TFPI: variants seen among roughly 807,000 people sequenced by gnomAD.
TFPI encodes anti-convertin.
In TFPI, 15 loss-of-function variants were observed where a neutral mutation model predicts 34.6. The observed-to-expected ratio is 0.43, with a 90% CI of 0.29 to 0.67. The LOEUF (loss-of-function observed/expected upper bound fraction) is 0.67. Ranked by LOEUF, TFPI falls within the 30% of genes least tolerant of loss-of-function variation. TFPI has a pLI of 0.15. For synonymous variants in TFPI, 105 were observed against 120.1 expected (o/e 0.87, Z 0.82); for missense variants, 301 against 364.0 (o/e 0.83, Z 1.41).
chr2:187,540,750 G>T (rs1688535453), intron 1 of TFPI, among the ~76,000 whole-genome samples: 2 of 151,934 alleles, frequency 1.3e-5, no homozygotes, highest in Non-Finnish European at 2.9e-5. Context: ...AACTAGCCTG[G>T]TGTGGTGATG....
intron 6 of TFPI, among the ~76,000 whole-genome samples, chr2:187,478,314 C>T (rs1239222698): frequency 6.6e-6 from 1 of 152,088 alleles, no homozygotes; most frequent in Non-Finnish European, 1.5e-5. Context: ...GAGCCGAGAT[C>T]GCGCCATTGC....
chr2:187,466,875 C>A lies in TFPI; in HGVS notation c.*61G>T. The A allele has an allele frequency of 4.3e-6, 4 of 940,490 alleles. No homozygotes were observed. Among genetic ancestry groups the A allele is most frequent in the East Asian group, 3.1e-5 (1 of 32,436 alleles). The allele number at this position is 940,490 out of a possible 1,614,324, so 58.3% of individuals were successfully genotyped here. A position where few individuals can be genotyped will look rare whatever the true frequency, so the allele number is the denominator to read the frequency against. On this transcript the variant is annotated 3_prime_UTR_variant, in exon 8 of 8. Coordinates refer to ENST00000233156, the MANE Select transcript of TFPI (RefSeq NM_006287.6). The stretch of plus-strand genomic sequence containing the variant: ...GCATTTTAGAAGAAAAATAGAAAAT[C>A]ATAGTGAAACATTTCATATAAAATA...
At chr2:187,497,174 A>G (rs1685542442) in intron 2 of TFPI, 96 bp from the exon 3 acceptor site, 1 of 1,114,176 alleles carries the variant, frequency 9.0e-7, no homozygotes, top group East Asian at 2.6e-5. Context: ...TTTTAAGGAA[A>G]AGTACAATAA....
At chr2:187,552,260 A>G (rs1263344706) in intron 1 of TFPI, among the ~76,000 whole-genome samples, 1 of 152,040 alleles carries the variant, frequency 6.6e-6, no homozygotes, top group Non-Finnish European at 1.5e-5. Context: ...CATATTTACT[A>G]TTTGGTTAGA....
intron 1 of TFPI, among the ~76,000 whole-genome samples, chr2:187,510,443 C>T (rs1448044417): frequency 6.6e-6 from 1 of 152,234 alleles, no homozygotes; most frequent in African/African-American, 2.4e-5. Context: ...CTGCCCACCC[C>T]TCTTGGTGTG....
intron 2 of TFPI, among the ~76,000 whole-genome samples, chr2:187,498,298 A>T (rs895755858): frequency 6.6e-6 from 1 of 151,864 alleles, no homozygotes; most frequent in African/African-American, 2.4e-5. Flanking sequence ...GAATTTTTTG[A>T]AACAGAAAAT....
intron 6 of TFPI, among the ~76,000 whole-genome samples, chr2:187,483,766 G>C (rs10190021): frequency 1 from 151,626 of 152,044 alleles, 75,607 homozygotes; most frequent in Middle Eastern, 1. Flanking sequence ...TTTAGACTGC[G>C]TTTGATGCAC....
intron 6 of TFPI, among the ~76,000 whole-genome samples, chr2:187,469,739 A>G (rs549277795): frequency 6.6e-6 from 1 of 152,280 alleles, no homozygotes; most frequent in Admixed American, 6.5e-5. Flanking sequence ...ATCCTTTGAC[A>G]TGATGATATG....
intron 1 of TFPI, chr2:187,516,320 G>C (rs182149618): frequency 6.6e-6 from 1 of 152,190 alleles, no homozygotes; most frequent in South Asian, 2.1e-4. Context: ...GCCCTTGCAA[G>C]TGTGGCATGG....
chr2:187,469,853 G>A (rs1691933068), intron 6 of TFPI, among the ~76,000 whole-genome samples: 1 of 152,080 alleles, frequency 6.6e-6, no homozygotes, highest in African/African-American at 2.4e-5. Flanking sequence ...GAATTTTCTA[G>A]CAGTCTAGGA....
At chr2:187,545,831 A>T (rs2106321347) in intron 1 of TFPI, among the ~76,000 whole-genome samples, 1 of 152,232 alleles carries the variant, frequency 6.6e-6, no homozygotes, top group South Asian at 2.1e-4. Context: ...AATTAAAACA[A>T]AATCATTTTT....
At chr2:187,525,653 A>T (rs1687639020) in intron 1 of TFPI, among the ~76,000 whole-genome samples, 1 of 152,156 alleles carries the variant, frequency 6.6e-6, no homozygotes, top group South Asian at 2.1e-4. Context: ...GTTACTAAGA[A>T]TAAATGATGT....
chr2:187,475,377 T>C (rs1201927616), intron 6 of TFPI, among the ~76,000 whole-genome samples: 3 of 152,172 alleles, frequency 2.0e-5, no homozygotes, highest in African/African-American at 7.2e-5. Context: ...ATTTGTTAAA[T>C]GAAGATATGT....
intron 3 of TFPI, among the ~76,000 whole-genome samples, 167 bp from the exon 4 acceptor site, chr2:187,488,542 C>T (rs1179685637): frequency 1.3e-5 from 2 of 151,122 alleles, no homozygotes; most frequent in African/African-American, 4.8e-5. Flanking sequence ...AAAAATTAAT[C>T]TTTTCTATTT....
intron 4 of TFPI, among the ~76,000 whole-genome samples, chr2:187,486,413 G>T (rs8176507): frequency 0.012 from 1,757 of 151,306 alleles, 41 homozygotes; most frequent in African/African-American, 0.039. Flanking sequence ...AAACATAAAG[G>T]TATAAAAAAT....
chr2:187,467,058 G>T lies in TFPI; in HGVS notation c.809-16C>A. ...TGGATGAAACCTATAAGAGGAAGAG[G>T]AATAAATTAATGTGTGATAAAATAA... is the stretch of plus-strand genomic sequence containing the variant. On this transcript the variant is annotated splice_polypyrimidine_tract_variant and intron_variant, in intron 7 of 7. Transcript: ENST00000233156. 1 of 1,444,298 alleles carries T rather than the reference G, an allele frequency of 6.9e-7. No homozygotes were observed. Among genetic ancestry groups the T allele is most frequent in the Non-Finnish European group, 9.5e-7 (1 of 1,051,694 alleles). 89.5% of individuals were successfully genotyped at this position (1,444,298 alleles called of 1,614,324 possible).
chr2:187,478,647 A>G, intron 6 of TFPI: 1 of 1,608,554 alleles, frequency 6.2e-7, no homozygotes, highest in South Asian at 1.1e-5. Context: ...ATACATATAA[A>G]TATTAAGGAA....
At chr2:187,553,016 A>G (rs893447012) in intron 1 of TFPI, among the ~76,000 whole-genome samples, 1 of 152,090 alleles carries the variant, frequency 6.6e-6, no homozygotes, top group Admixed American at 6.5e-5. Flanking sequence ...AACTCAGCCA[A>G]ATTTCAGGGA....
Position 187,469,485 on chromosome 2 carries a change from A to C in TFPI, c.629-1553T>G, listed in dbSNP as rs538260075. Among the ~76,000 whole-genome samples, 3 of 152,148 alleles carry C rather than the reference A, an allele frequency of 2.0e-5. No individual in the cohort carries two copies. In the East Asian group the frequency reaches 5.8e-4, roughly 29 times the overall value. On this transcript the variant is annotated intron_variant, in intron 6 of 7. Coordinates refer to ENST00000233156, the MANE Select transcript of TFPI (RefSeq NM_006287.6). ...GTGCGTGATTTTTAAAATAATTTTT[A>C]TTGTGTATATGTGAGGTTTACAAAA...
Sources: allele counts gnomAD v4.1 joint callset (sites outside exome capture counted in the v4.1 genomes callset), GRCh38; gene constraint gnomAD v4.1.1; transcripts MANE v1.5; gene names NCBI Gene and HGNC (gene_info 2026-07-23, HGNC 2026-07-21).